CTNNA3: variants seen among roughly 807,000 people sequenced by gnomAD.
CTNNA3 encodes catenin alpha-3.
A neutral mutation model predicts 95.7 loss-of-function variants in CTNNA3; 76 were observed. The observed-to-expected ratio is 0.79, with a 90% CI of 0.66 to 0.96. CTNNA3 has a LOEUF of 0.96. CTNNA3 is among the 40% of genes least tolerant of loss of function. CTNNA3 has a pLI of 0.00. For synonymous variants in CTNNA3, 431 were observed against 374.4 expected, an observed-to-expected ratio of 1.15 and a Z score of -1.74; for missense variants, 1,191 against 1,089.8, an observed-to-expected ratio of 1.09 and a Z score of -1.31.
At chr10:66,988,440 T>C (rs759049769) in intron 7 of CTNNA3, among the ~76,000 whole-genome samples, 20 of 152,198 alleles carry the variant, frequency 1.3e-4, no homozygotes, top group Admixed American at 1.3e-4. Context: ...AGTATACATC[T>C]TTTACTGACA....
intron 2 of CTNNA3, among the ~76,000 whole-genome samples, chr10:67,646,709 T>A (rs577330056): frequency 6.6e-6 from 1 of 152,228 alleles, no homozygotes; most frequent in Admixed American, 6.5e-5. Flanking sequence ...TTGAATCTTG[T>A]ATTAGGAGGC....
chr10:67,597,880 C>G lies in CTNNA3; in HGVS notation c.292+8977G>C, dbSNP rs139488173. ...GGTGGGTGGAAGCTGTGAGAGGGTG[C>G]ACACTGGTGAGGGCCCATCTGCAAA... On this transcript the variant is annotated intron_variant, in intron 3 of 17. Transcript: ENST00000433211. Among the ~76,000 whole-genome samples the G allele has an allele frequency of 8.7e-4, 132 of 152,304 alleles. 1 individual carries two copies. Among genetic ancestry groups the G allele is most frequent in the African/African-American group, 3.1e-3 (127 of 41,562 alleles).
chr10:67,033,016 T>C (rs1193334700), intron 7 of CTNNA3, among the ~76,000 whole-genome samples: 1 of 152,198 alleles, frequency 6.6e-6, no homozygotes, highest in Non-Finnish European at 1.5e-5. Flanking sequence ...TGAATTATTT[T>C]ACAGTACTTT....
At chr10:67,349,480 A>G (rs1438799184) in intron 5 of CTNNA3, among the ~76,000 whole-genome samples, 4 of 152,204 alleles carry the variant, frequency 2.6e-5, no homozygotes, top group African/African-American at 4.8e-5. Flanking sequence ...GATTCCACCT[A>G]TATGAAGTAT....
intron 13 of CTNNA3, among the ~76,000 whole-genome samples, chr10:66,104,650 C>T (rs2081810662): frequency 6.6e-6 from 1 of 152,126 alleles, no homozygotes; most frequent in Admixed American, 6.5e-5. Context: ...CTGTATGATT[C>T]CTTTGCTACA....
chr10:67,405,727 C>T (rs966051613), intron 5 of CTNNA3, among the ~76,000 whole-genome samples: 7 of 152,174 alleles, frequency 4.6e-5, no homozygotes, highest in Non-Finnish European at 1.5e-5. Flanking sequence ...TAGAACTCTA[C>T]ACCCCAGAAC....
At chr10:66,752,723 C>T (rs1839195771) in intron 9 of CTNNA3, among the ~76,000 whole-genome samples, 1 of 151,894 alleles carries the variant, frequency 6.6e-6, no homozygotes, top group Non-Finnish European at 1.5e-5. Flanking sequence ...AACTTTTAAA[C>T]AATACAAAAT....
At chr10:66,672,137 C>T (rs1239801114) in intron 9 of CTNNA3, among the ~76,000 whole-genome samples, 3 of 152,068 alleles carry the variant, frequency 2.0e-5, no homozygotes, top group Admixed American at 2.0e-4. Context: ...CTACAGAACT[C>T]CAGCAATTAG....
In CTNNA3 at chr10:67,743,115, C is replaced by A. The variant is rs372405975; in HGVS notation, c.-2+20319G>T. ...CCATTCCTTCTGAAACTATTCCAAT[C>A]AATAGAAAAAGAGGGAATCCTCCCT... On this transcript the variant is annotated intron_variant, in intron 1 of 17. Transcript: ENST00000684154. Among the ~76,000 whole-genome samples the A allele has an allele frequency of 5.0e-4, 76 of 151,310 alleles. 1 individual carries two copies. The highest frequency in any genetic ancestry group is 1.2e-3 in the East Asian group (6 of 5,174).
intron 7 of CTNNA3, among the ~76,000 whole-genome samples, chr10:66,820,351 A>G (rs1842263106): frequency 6.6e-6 from 1 of 152,064 alleles, no homozygotes; most frequent in Non-Finnish European, 1.5e-5. Context: ...GTGACTGGTA[A>G]CGATTAAAGG....
intron 9 of CTNNA3, among the ~76,000 whole-genome samples, chr10:66,642,269 CACACACACAA>C (rs879676547): frequency 0.032 from 2,425 of 76,520 alleles, 29 homozygotes; most frequent in East Asian, 0.16. Context: ...CACACACACA[CACACACACAA>C]ACACACACAC....
rs1301930576 is a variant in CTNNA3 at position 66,898,776 on chromosome 10, T to A, written c.1048-123252A>T. On this transcript the variant is annotated intron_variant, in intron 7 of 17. Transcript: ENST00000433211. ...CCTAGAAGAAAATATAATGGGAAAG[T>A]TTCATGACACTGAGCTTGGCAATGG... is the stretch of plus-strand genomic sequence containing the variant. Among the ~76,000 whole-genome samples the A allele has an allele frequency of 2.0e-5, 3 of 152,054 alleles. No homozygotes were observed. The East Asian group carries it at 5.8e-4, about 29-fold the overall frequency.
intron 7 of CTNNA3, chr10:66,837,483 T>TTGGA (rs1454540734): frequency 6.6e-6 from 1 of 152,092 alleles, no homozygotes; most frequent in Non-Finnish European, 1.5e-5. Context: ...GAGAGTTCAC[T>TTGGA]TGGAGTCATT....
chr10:66,862,845 T>C lies in CTNNA3; in HGVS notation c.1048-87321A>G, dbSNP rs558610838. On this transcript the variant is annotated intron_variant, in intron 7 of 17. Transcript: ENST00000433211. Reference sequence around the variant, plus strand: ...GAATTGGTAGATTGCATAAAGCAGATTGACTTCCCTAAGGTGGGTGGGCCA... The same window carrying C: ...GAATTGGTAGATTGCATAAAGCAGACTGACTTCCCTAAGGTGGGTGGGCCA... 3.3e-5 allele frequency among the ~76,000 whole-genome samples: 5 copies of C among 152,272 alleles called. No individual in the cohort carries two copies. In the East Asian group the frequency reaches 7.7e-4, roughly 24 times the overall value.
chr10:66,094,359 G>A (rs537948017), intron 14 of CTNNA3, among the ~76,000 whole-genome samples: 7 of 152,048 alleles, frequency 4.6e-5, no homozygotes, highest in Non-Finnish European at 8.8e-5. Context: ...CATGCTAAGG[G>A]CAAGGGGTGA....
intron 7 of CTNNA3, among the ~76,000 whole-genome samples, chr10:66,800,106 GGTATACA>G (rs765025744): frequency 2.0e-4 from 31 of 151,250 alleles, no homozygotes; most frequent in Non-Finnish European, 3.6e-4. Flanking sequence ...TGTTTTTGAT[GGTATACA>G]GCACAATTTG....
intron 7 of CTNNA3, among the ~76,000 whole-genome samples, chr10:67,100,309 A>T (rs1192776346): frequency 6.6e-6 from 1 of 151,792 alleles, no homozygotes; most frequent in Non-Finnish European, 1.5e-5. Flanking sequence ...CAAATACGCC[A>T]GGAATTTTGA....
At chr10:67,646,030 C>A (rs1839695866) in intron 2 of CTNNA3, among the ~76,000 whole-genome samples, 1 of 149,128 alleles carries the variant, frequency 6.7e-6, no homozygotes, top group Admixed American at 6.7e-5. Context: ...TGATAAAAAT[C>A]TCCCACAACT....
At chr10:66,773,143 T>G (rs1430577913) in intron 8 of CTNNA3, among the ~76,000 whole-genome samples, 1 of 152,144 alleles carries the variant, frequency 6.6e-6, no homozygotes, top group East Asian at 1.9e-4. Flanking sequence ...GTGAGGATAA[T>G]GAGAAAGAAT....
Sources: allele counts gnomAD v4.1 joint callset (sites outside exome capture counted in the v4.1 genomes callset), GRCh38; gene constraint gnomAD v4.1.1; transcripts MANE v1.5; gene names NCBI Gene and HGNC (gene_info 2026-07-23, HGNC 2026-07-21).